ATF5: variants seen among roughly 807,000 people sequenced by gnomAD.
ATF5 encodes the protein activating transcription factor 5.
In ATF5, 6 loss-of-function variants were observed where a neutral mutation model predicts 4.6. The observed-to-expected ratio is 1.31, with a 90% CI of 0.72 to 2.59. The LOEUF (loss-of-function observed/expected upper bound fraction) is 2.59. ATF5 is among the 30% of genes most tolerant of loss of function. The pLI is 0.00. For synonymous variants in ATF5, 193 were observed against 165.0 expected, an observed-to-expected ratio of 1.17 and a Z score of -1.30; for missense variants, 410 against 368.7, an observed-to-expected ratio of 1.11 and a Z score of -0.92.
intron 1 of ATF5, chr19:49,930,202 G>A (rs2076036172): frequency 6.6e-6 from 1 of 152,242 alleles, no homozygotes; most frequent in East Asian, 1.9e-4. Context: ...ATGAGGGGCG[G>A]GGCTTGGAGG....
Position 49,933,299 on chromosome 19 carries a change from A to T in ATF5, c.*207A>T, listed in dbSNP as rs968959784. 2.9e-5 allele frequency: 6 copies of T among 203,406 alleles called. No individual in the cohort carries two copies. The highest frequency in any genetic ancestry group is 9.7e-5 in the East Asian group (1 of 10,258). The allele number at this position is 203,406 out of a possible 1,614,324, so 12.6% of individuals were successfully genotyped here. On this transcript the variant is annotated 3_prime_UTR_variant, in exon 3 of 3. Transcript: ENST00000423777. ...AACATAGTAAGACCCTGTCTCTATT[A>T]AAAAAAAAAAATCAACCCTTCTTCC...
At position 49,930,787 on chromosome 19, in the gene ATF5, C is replaced by T. The variant is rs192709008; in HGVS notation, c.-64C>T. 4 of 1,414,894 alleles carry T rather than the reference C, an allele frequency of 2.8e-6. No homozygotes were observed. In the East Asian group the frequency reaches 7.4e-5, roughly 26 times the overall value. 87.6% of individuals were successfully genotyped at this position (1,414,894 alleles called of 1,614,324 possible). A position where few individuals can be genotyped will look rare whatever the true frequency, so the allele number is the denominator to read the frequency against. On this transcript the variant is annotated 5_prime_UTR_variant, in exon 2 of 3. Transcript: ENST00000423777. ...CGCCCACCTGAGCATCCTCCAGAGCCTCGTGCCAGCTGCTGGTGCAGCCTC... is the reference window on the plus strand; with the variant it reads ...CGCCCACCTGAGCATCCTCCAGAGCTTCGTGCCAGCTGCTGGTGCAGCCTC...
Position 49,930,811 on chromosome 19 carries a change from T to C in ATF5, c.-40T>C. 6.7e-7 allele frequency: 1 copy of C among 1,496,964 alleles called. No homozygotes were observed. The highest frequency in any genetic ancestry group is 8.9e-7 in the Non-Finnish European group (1 of 1,117,850). 92.7% of individuals were successfully genotyped at this position (1,496,964 alleles called of 1,614,324 possible). On this transcript the variant is annotated 5_prime_UTR_variant, in exon 2 of 3. Transcript: ENST00000423777. ...CCTCGTGCCAGCTGCTGGTGCAGCC[T>C]CTCCTGTTGCCATCAGTGCCCAGCA...
intron 2 of ATF5, among the ~76,000 whole-genome samples, chr19:49,931,800 A>G (rs570952020): frequency 1.3e-5 from 2 of 151,932 alleles, no homozygotes; most frequent in South Asian, 2.1e-4. Flanking sequence ...TGGGTTTTCA[A>G]TAATTAATGA....
chr19:49,933,248 GC>G lies in ATF5; in HGVS notation c.*158del. ...GGCCAAGGCAGGAGGATCGTTTGAG[GC>G]CAGGAGGTCAATACCAGCCTGGGCA... On this transcript the variant is annotated 3_prime_UTR_variant, in exon 3 of 3. Coordinates refer to ENST00000423777, the MANE Select transcript of ATF5 (RefSeq NM_001193646.2). 1.3e-6 allele frequency: 1 copy of G among 764,098 alleles called. No homozygotes were observed. The highest frequency in any genetic ancestry group is 2.0e-6 in the Non-Finnish European group (1 of 496,906). The allele number at this position is 764,098 out of a possible 1,614,324, so 47.3% of individuals were successfully genotyped here. A position where few individuals can be genotyped will look rare whatever the true frequency, so the allele number is the denominator to read the frequency against.
intron 1 of ATF5, 46 bp from the exon 2 acceptor site, chr19:49,930,686 G>T: frequency 2.1e-6 from 1 of 472,914 alleles, no homozygotes; most frequent in Non-Finnish European, 3.5e-6. Context: ...TTTGGCCGGT[G>T]GATGACGCTG....
At chr19:49,932,338 C>G (rs2076070812) in intron 2 of ATF5, 84 bp from the exon 3 acceptor site, 1 of 1,325,248 alleles carries the variant, frequency 7.5e-7, no homozygotes, top group South Asian at 1.2e-5. Flanking sequence ...ACAGATGCAC[C>G]TGAATGAGAC....
At position 49,931,352 on chromosome 19, in the gene ATF5, C is replaced by T. The variant is rs971667636; in HGVS notation, c.178+324C>T. 9 of 390,728 alleles carry T rather than the reference C, an allele frequency of 2.3e-5. No homozygotes were observed. The East Asian group carries it at 3.3e-4, about 14-fold the overall frequency. The allele number at this position is 390,728 out of a possible 1,614,324, so 24.2% of individuals were successfully genotyped here. ...CTTCTCCAAGTAGGTAACATGTTGA[C>T]TGAGGCATAAATGATGGGAAGGAAG... On this transcript the variant is annotated intron_variant, in intron 2 of 2. Transcript: ENST00000423777.
chr19:49,931,215 A>G lies in ATF5; in HGVS notation c.178+187A>G, dbSNP rs139171535. On this transcript the variant is annotated intron_variant, in intron 2 of 2. Transcript: ENST00000423777. ...CCTTCCAGCAGCTCACACTGTGGGG[A>G]GTAGACCAGAGATAAATTAAATGAG... is the stretch of plus-strand genomic sequence containing the variant. 2.7e-3 allele frequency: 1,281 copies of G among 466,300 alleles called. 1 individual carries two copies. The highest frequency in any genetic ancestry group is 0.014 in the Middle Eastern group (25 of 1,810). 28.9% of individuals were successfully genotyped at this position (466,300 alleles called of 1,614,324 possible).
Position 49,933,024 on chromosome 19 carries a change from A to G in ATF5, c.781A>G (p.Ile261Val). The G allele has an allele frequency of 6.2e-7, 1 of 1,613,614 alleles. No homozygotes were observed. Among genetic ancestry groups the G allele is most frequent in the Non-Finnish European group, 8.5e-7 (1 of 1,179,688 alleles). The part of the protein sequence containing the change: ...KERAESVERE[I>V]QYVKDLLIEV... ...ACGGGCAGAGTCCGTGGAGCGCGAG[A>G]TCCAGTACGTCAAGGACCTGCTCAT... is the stretch of plus-strand genomic sequence containing the variant. Residue 261 changes from isoleucine (I) to valine (V), a missense_variant, in exon 3 of 3, where the codon ATC becomes GTC. Ile to Val is a conservative substitution (Grantham distance 29, BLOSUM62 3). Transcript: ENST00000423777.
At position 49,932,603 on chromosome 19, in the gene ATF5, G is replaced by GCCCCA; in HGVS notation, c.364_365insACCCC (p.Leu122HisfsTer104). On this transcript the variant is annotated frameshift_variant, in exon 3 of 3. Transcript: ENST00000423777. LOFTEE classifies it low-confidence loss of function (END_TRUNC). Reference sequence around the variant, plus strand: ...TGGAAGACTTCTTCCTAGATGCCCCGCCCCTCCCACCACCCTCCCCGCCGC... The same window carrying GCCCCA: ...TGGAAGACTTCTTCCTAGATGCCCCGCCCCACCCCTCCCACCACCCTCCCCGCCGC... 1.4e-6 allele frequency: 2 copies of GCCCCA among 1,396,466 alleles called. No homozygotes were observed. The highest frequency in any genetic ancestry group is 1.3e-5 in the South Asian group (1 of 78,424). The allele number at this position is 1,396,466 out of a possible 1,614,324, so 86.5% of individuals were successfully genotyped here.
chr19:49,931,836 C>T (rs1053361100), intron 2 of ATF5, among the ~76,000 whole-genome samples: 15 of 150,358 alleles, frequency 1.0e-4, no homozygotes, highest in Admixed American at 2.0e-4. Flanking sequence ...GGCATATGTG[C>T]GTGTGTATCT....
chr19:49,931,815 A>C (rs538074493), intron 2 of ATF5, among the ~76,000 whole-genome samples: 2 of 151,478 alleles, frequency 1.3e-5, no homozygotes, highest in Non-Finnish European at 2.9e-5. Context: ...TAATGAGTAA[A>C]GATGAAACAA....
chr19:49,929,732 G>A (rs959796298), intron 1 of ATF5: 1 of 152,258 alleles, frequency 6.6e-6, no homozygotes, highest in East Asian at 1.9e-4. Context: ...TGAAAGAGCT[G>A]CGGACCCTGA....
rs764940328 is a variant in ATF5 at position 49,933,256 on chromosome 19, G to C, written c.*164G>C. 29 of 677,998 alleles carry C rather than the reference G, an allele frequency of 4.3e-5. No homozygotes were observed. Among genetic ancestry groups the C allele is most frequent in the Non-Finnish European group, 6.4e-5 (27 of 420,384 alleles). The allele number at this position is 677,998 out of a possible 1,614,324, so 42.0% of individuals were successfully genotyped here. A position where few individuals can be genotyped will look rare whatever the true frequency, so the allele number is the denominator to read the frequency against. On this transcript the variant is annotated 3_prime_UTR_variant, in exon 3 of 3. Coordinates refer to ENST00000423777, the MANE Select transcript of ATF5 (RefSeq NM_001193646.2). Reference sequence around the variant, plus strand: ...CAGGAGGATCGTTTGAGGCCAGGAGGTCAATACCAGCCTGGGCAACATAGT... The same window carrying C: ...CAGGAGGATCGTTTGAGGCCAGGAGCTCAATACCAGCCTGGGCAACATAGT...
In ATF5 at chr19:49,933,273, C is replaced by T. The variant is rs966387248; in HGVS notation, c.*181C>T. Reference sequence around the variant, plus strand: ...GCCAGGAGGTCAATACCAGCCTGGGCAACATAGTAAGACCCTGTCTCTATT... The same window carrying T: ...GCCAGGAGGTCAATACCAGCCTGGGTAACATAGTAAGACCCTGTCTCTATT... On this transcript the variant is annotated 3_prime_UTR_variant, in exon 3 of 3. Coordinates refer to ENST00000423777, the MANE Select transcript of ATF5 (RefSeq NM_001193646.2). The T allele has an allele frequency of 5.1e-6, 3 of 589,400 alleles. No homozygotes were observed. The highest frequency in any genetic ancestry group is 3.7e-5 in the African/African-American group (2 of 53,616). 36.5% of individuals were successfully genotyped at this position (589,400 alleles called of 1,614,324 possible).
At chr19:49,932,175 A>T (rs1038511292) in intron 2 of ATF5, among the ~76,000 whole-genome samples, 5 of 151,630 alleles carry the variant, frequency 3.3e-5, no homozygotes, top group Non-Finnish European at 5.9e-5. Flanking sequence ...CGACTAGTTC[A>T]TTGGTTGGTT....
chr19:49,930,940 C>G lies in ATF5; in HGVS notation c.90C>G (p.Leu30=). 6.2e-7 allele frequency: 1 copy of G among 1,602,990 alleles called. No homozygotes were observed. The highest frequency in any genetic ancestry group is 8.5e-7 in the Non-Finnish European group (1 of 1,175,094). The part of the protein sequence containing the change: ...GLGWLVDYGK[L]PPAPAPLAPY... ...GATGGCTCGTAGACTATGGGAAACT[C>G]CCCCCGGCCCCTGCCCCCCTGGCTC... The change falls in exon 2 of 3, where the codon CTC becomes CTG. Residue 30 remains leucine (L), a synonymous_variant. Coordinates refer to ENST00000423777, the MANE Select transcript of ATF5 (RefSeq NM_001193646.2).
chr19:49,932,502 A>ACCCTCCCCCCCCCCCC lies in ATF5; in HGVS notation c.268_269insCCCCCCCCCCTCCCCC (p.Gln90ProfsTer13). ...TCTGGAGCCTCCCTTACCCCCCGGC[A>ACCCTCCCCCCCCCCCC]CCCTCCCCCAACCTTCCCCAACCCC... On this transcript the variant is annotated frameshift_variant, in exon 3 of 3. Coordinates refer to ENST00000423777, the MANE Select transcript of ATF5 (RefSeq NM_001193646.2). LOFTEE classifies it low-confidence loss of function (END_TRUNC). The ACCCTCCCCCCCCCCCC allele has an allele frequency of 1.3e-6, 1 of 767,152 alleles. No individual in the cohort carries two copies. The highest frequency in any genetic ancestry group is 1.9e-6 in the Non-Finnish European group (1 of 517,040). The allele number at this position is 767,152 out of a possible 1,614,324, so 47.5% of individuals were successfully genotyped here. A position where few individuals can be genotyped will look rare whatever the true frequency, so the allele number is the denominator to read the frequency against.
Sources: gnomAD v4.1 joint callset for allele counts (sites outside exome capture counted in the v4.1 genomes callset) on GRCh38, gnomAD v4.1.1 for gene constraint, MANE v1.5 for transcripts, NCBI Gene and HGNC (gene_info 2026-07-23, HGNC 2026-07-21) for gene names.